The following SYK variants were observed in gnomAD, a reference collection of about 807,000 sequenced individuals.
SYK encodes the protein spleen associated tyrosine kinase.
A neutral mutation model predicts 77.8 loss-of-function variants in SYK; 16 were observed. The ratio of observed to expected loss-of-function variants is 0.21; its 90% CI spans 0.14 to 0.31. SYK has a LOEUF of 0.31. SYK is among the 10% of genes least tolerant of loss of function. The pLI is 1.00. For synonymous variants in SYK, 312 were observed against 308.7 expected (o/e 1.01, Z -0.11); for missense variants, 529 against 814.4 (o/e 0.65, Z 4.26).
intron 3 of SYK, among the ~76,000 whole-genome samples, chr9:90,850,020 T>C (rs1030416492): frequency 1.3e-5 from 2 of 152,218 alleles, no homozygotes; most frequent in Non-Finnish European, 2.9e-5. Flanking sequence ...GCATCACAGG[T>C]GTACCATGAC....
intron 9 of SYK, among the ~76,000 whole-genome samples, chr9:90,876,860 T>C (rs4744519): frequency 0.18 from 28,130 of 152,202 alleles, 2,951 homozygotes; most frequent in Admixed American, 0.3. Context: ...AGAAATTCAC[T>C]TTCAACAATT....
In SYK at chr9:90,816,905, G is replaced by T. The variant is rs535876334; in HGVS notation, c.-42+15012G>T. ...TTTCATGGCTGAATAGTATTCCATTGTGTGTGTGCCACATTTTCCTTAGCC... is the reference window on the plus strand; with the variant it reads ...TTTCATGGCTGAATAGTATTCCATTTTGTGTGTGCCACATTTTCCTTAGCC... On this transcript the variant is annotated intron_variant, in intron 1 of 13. Transcript: ENST00000375754. Among the ~76,000 whole-genome samples, 8 of 152,282 alleles carry T rather than the reference G, an allele frequency of 5.3e-5. No homozygotes were observed. The East Asian group carries it at 1.5e-3, about 29-fold the overall frequency.
At chr9:90,883,104 A>G (rs1415339937) in intron 11 of SYK, among the ~76,000 whole-genome samples, 1 of 152,112 alleles carries the variant, frequency 6.6e-6, no homozygotes, top group Non-Finnish European at 1.5e-5. Context: ...AAAGGACTGC[A>G]TCTTGCCCTG....
intron 7 of SYK, among the ~76,000 whole-genome samples, chr9:90,871,407 G>A (rs1024957639): frequency 3.9e-5 from 6 of 152,102 alleles, no homozygotes; most frequent in Admixed American, 2.0e-4. Context: ...AATGTAGACC[G>A]GAAATATATT....
chr9:90,887,239 AT>A (rs904736947), intron 11 of SYK, among the ~76,000 whole-genome samples: 1 of 152,158 alleles, frequency 6.6e-6, no homozygotes, highest in Non-Finnish European at 1.5e-5. Context: ...ATTGTAGTGA[AT>A]TCCCTTCCTT....
At chr9:90,823,784 C>CA (rs1825590827) in intron 1 of SYK, among the ~76,000 whole-genome samples, 2 of 151,806 alleles carry the variant, frequency 1.3e-5, no homozygotes, top group Non-Finnish European at 2.9e-5. Context: ...TAAGTGCACA[C>CA]ATTAGGTAAA....
rs1437644608 is a variant in SYK, at chr9:90,843,860, G to A, written c.-39G>A. ...TTCTCTGTCTCTGTCTTGCCCAGGT[G>A]GACACCTGCGCAGGTGTGTGCCCTC... On this transcript the variant is annotated splice_region_variant and 5_prime_UTR_variant, in exon 2 of 14. Coordinates refer to ENST00000375754, the MANE Select transcript of SYK (RefSeq NM_003177.7). 2 of 1,438,580 alleles carry A rather than the reference G, an allele frequency of 1.4e-6. No individual in the cohort carries two copies. The highest frequency in any genetic ancestry group is 2.5e-5 in the East Asian group (1 of 39,904). 89.1% of individuals were successfully genotyped at this position (1,438,580 alleles called of 1,614,324 possible). A position where few individuals can be genotyped will look rare whatever the true frequency, so the allele number is the denominator to read the frequency against.
rs142147964 is a variant in SYK at position 90,867,728 on chromosome 9, T to C, written c.915+529T>C. 2.6e-4 allele frequency among the ~76,000 whole-genome samples: 40 copies of C among 152,336 alleles called. No individual in the cohort carries two copies. In the East Asian group the frequency reaches 7.5e-3, roughly 29 times the overall value. ...TGACATGTAAAGAAGAGGTGTAATC[T>C]GAGGTCTAGAAAAACCAGTTTTCTT... On this transcript the variant is annotated intron_variant, in intron 7 of 13. Transcript: ENST00000375754.
rs1020967474 is a variant in SYK at position 90,884,336 on chromosome 9, T to C, written c.1582-3413T>C. Among the ~76,000 whole-genome samples, 10 of 135,334 alleles carry C rather than the reference T, an allele frequency of 7.4e-5. 1 individual carries two copies. The highest frequency in any genetic ancestry group is 2.5e-4 in the South Asian group (1 of 4,040). 88.8% of individuals were successfully genotyped at this position (135,334 alleles called of 152,430 possible). Reference sequence around the variant, plus strand: ...ATATACACATACACATACGTGTATATATACACACATACACATACGTGTATA... The same window carrying C: ...ATATACACATACACATACGTGTATACATACACACATACACATACGTGTATA... On this transcript the variant is annotated intron_variant, in intron 11 of 13. Coordinates refer to ENST00000375754, the MANE Select transcript of SYK (RefSeq NM_003177.7).
chr9:90,884,431 ATG>A (rs372342667), intron 11 of SYK, among the ~76,000 whole-genome samples: 158 of 13,480 alleles, frequency 0.012, 70 homozygotes, highest in Admixed American at 0.042. Context: ...ATATACACAT[ATG>A]TGTGTACATA....
At chr9:90,885,450 G>A (rs1828527044) in intron 11 of SYK, among the ~76,000 whole-genome samples, 1 of 152,088 alleles carries the variant, frequency 6.6e-6, no homozygotes, top group Admixed American at 6.5e-5. Context: ...AGAACTTGAA[G>A]ACAGGTCTTT....
intron 3 of SYK, among the ~76,000 whole-genome samples, chr9:90,858,294 G>A (rs1188273789): frequency 8.5e-5 from 13 of 152,228 alleles, no homozygotes; most frequent in Admixed American, 7.8e-4. Context: ...ACATGCCGCA[G>A]GTCAAGGACT....
At chr9:90,891,894 A>C (rs1828807716) in intron 13 of SYK, among the ~76,000 whole-genome samples, 1 of 152,044 alleles carries the variant, frequency 6.6e-6, no homozygotes, top group Non-Finnish European at 1.5e-5. Flanking sequence ...TCCTGGAGGG[A>C]ATTCAAAGGG....
chr9:90,814,539 C>T (rs1363787015), intron 1 of SYK, among the ~76,000 whole-genome samples: 2 of 152,168 alleles, frequency 1.3e-5, no homozygotes, highest in African/African-American at 2.4e-5. Context: ...CACCAAGCTG[C>T]TCTCAGCCCA....
At chr9:90,882,544 T>C (rs1828196953) in intron 11 of SYK, among the ~76,000 whole-genome samples, 1 of 152,264 alleles carries the variant, frequency 6.6e-6, no homozygotes. Context: ...AGTTTTGACC[T>C]CTGTACTATC....
intron 11 of SYK, among the ~76,000 whole-genome samples, chr9:90,884,209 A>C (rs958823682): frequency 6.8e-6 from 1 of 147,562 alleles, no homozygotes; most frequent in Non-Finnish European, 1.5e-5. Flanking sequence ...ATACGTGTAT[A>C]TATACACGCA....
At chr9:90,883,854 C>A (rs1828255524) in intron 11 of SYK, among the ~76,000 whole-genome samples, 1 of 152,132 alleles carries the variant, frequency 6.6e-6, no homozygotes, top group African/African-American at 2.4e-5. Context: ...TACCTGAAAG[C>A]CCAAGGGTCA....
At chr9:90,892,744 G>A (rs556317823) in intron 13 of SYK, among the ~76,000 whole-genome samples, 1 of 152,344 alleles carries the variant, frequency 6.6e-6, no homozygotes, top group South Asian at 2.1e-4. Flanking sequence ...ATGGAGAGAA[G>A]TTGGTGCTCT....
chr9:90,819,244 G>A (rs1424829557), intron 1 of SYK, among the ~76,000 whole-genome samples: 1 of 152,152 alleles, frequency 6.6e-6, no homozygotes, highest in Admixed American at 6.5e-5. Flanking sequence ...GATAATATAT[G>A]GTTGATCCTC....
Sources: gnomAD v4.1 joint callset for allele counts (sites outside exome capture counted in the v4.1 genomes callset) on GRCh38, gnomAD v4.1.1 for gene constraint, MANE v1.5 for transcripts, NCBI Gene and HGNC (gene_info 2026-07-23, HGNC 2026-07-21) for gene names.